Variants in ARK2N observed in about 807,000 individuals in gnomAD.
ARK2N encodes arkadia (RNF111) N-terminal like PKA signaling regulator 2N, also known as protein ARK2N.
At chr18:46,264,526 C>G in the ARK2N span, 1 of 152,652 alleles carries the variant, frequency 6.6e-6, no homozygotes, top group African/African-American at 2.4e-5. Flanking sequence ...CCTGGTGGCT[C>G]TTCTTATCAT....
chr18:46,225,015 C>T, the ARK2N span, among the ~76,000 whole-genome samples: 1 of 152,192 alleles, frequency 6.6e-6, no homozygotes. Flanking sequence ...ATAGGAACTG[C>T]ACAGGCAGTG....
At chr18:46,178,728 A>T in the ARK2N span, among the ~76,000 whole-genome samples, 1 of 152,126 alleles carries the variant, frequency 6.6e-6, no homozygotes, top group Admixed American at 6.5e-5. Flanking sequence ...CAGCCTGGGC[A>T]ACATGGCAGA....
At chr18:46,199,267 T>A in the ARK2N span, among the ~76,000 whole-genome samples, 1 of 152,122 alleles carries the variant, frequency 6.6e-6, no homozygotes, top group Admixed American at 6.6e-5. Flanking sequence ...TGAACTACAT[T>A]TCCTAGAAAC....
the ARK2N span, among the ~76,000 whole-genome samples, chr18:46,236,176 C>T: frequency 1.3e-5 from 2 of 152,156 alleles, no homozygotes; most frequent in East Asian, 1.9e-4. Flanking sequence ...TTTATTTTAT[C>T]GTTATTATTT....
the ARK2N span, chr18:46,228,876 G>A: frequency 5.0e-6 from 2 of 398,308 alleles, no homozygotes; most frequent in Non-Finnish European, 8.8e-6. Flanking sequence ...TAAAACATAG[G>A]TATTAATAGT....
the ARK2N span, among the ~76,000 whole-genome samples, chr18:46,187,588 C>G: frequency 2.6e-5 from 4 of 151,906 alleles, no homozygotes; most frequent in African/African-American, 7.2e-5. Context: ...GTGATCCGAC[C>G]GCCTTGGCCT....
the ARK2N span, chr18:46,217,299 T>C: frequency 6.6e-6 from 1 of 152,370 alleles, no homozygotes; most frequent in Non-Finnish European, 1.5e-5. Flanking sequence ...TCTTATTGCA[T>C]CTGGTACTGT....
chr18:46,181,316 C>T, the ARK2N span, among the ~76,000 whole-genome samples: 22 of 151,894 alleles, frequency 1.4e-4, no homozygotes, highest in East Asian at 3.7e-3. Flanking sequence ...TTACAAAATA[C>T]ATTTGCTTGT....
chr18:46,181,900 G>C, the ARK2N span, among the ~76,000 whole-genome samples: 1 of 152,148 alleles, frequency 6.6e-6, no homozygotes, highest in African/African-American at 2.4e-5. Flanking sequence ...GAGCCACTGT[G>C]CCTGGCTGAA....
At chr18:46,237,038 A>G in the ARK2N span, among the ~76,000 whole-genome samples, 1 of 151,380 alleles carries the variant, frequency 6.6e-6, no homozygotes, top group East Asian at 2.0e-4. Context: ...AATTTTTGTA[A>G]TTTTAGTAGA....
the ARK2N span, among the ~76,000 whole-genome samples, chr18:46,254,031 C>A: frequency 2.0e-5 from 3 of 152,186 alleles, no homozygotes; most frequent in Non-Finnish European, 4.4e-5. Flanking sequence ...ATATCAAGGA[C>A]ATTTCAACCA....
the ARK2N span, among the ~76,000 whole-genome samples, chr18:46,179,063 C>G: frequency 6.6e-6 from 1 of 151,896 alleles, no homozygotes; most frequent in Non-Finnish European, 1.5e-5. Flanking sequence ...CTGCCTCAGC[C>G]TCCCGAGTAG....
chr18:46,253,901 G>A, the ARK2N span: 6 of 1,465,290 alleles, frequency 4.1e-6, no homozygotes, highest in Admixed American at 1.3e-4. Context: ...AAAAGAAAAT[G>A]GTAGACTTTA....
the ARK2N span, among the ~76,000 whole-genome samples, chr18:46,235,454 A>T: frequency 0.62 from 94,964 of 152,132 alleles, 31,817 homozygotes; most frequent in Non-Finnish European, 0.75. Flanking sequence ...GGTGCTAAGT[A>T]TAATGGAAAG....
chr18:46,251,191 G>C, the ARK2N span, among the ~76,000 whole-genome samples: 7 of 152,298 alleles, frequency 4.6e-5, no homozygotes, highest in African/African-American at 1.7e-4. Flanking sequence ...GAGAGTCTGT[G>C]ATTTTGTATT....
the ARK2N span, among the ~76,000 whole-genome samples, chr18:46,246,645 A>ATAAGAGCAGACCCCAGGCCAGGGCCTT: frequency 4.4e-5 from 1 of 22,496 alleles, no homozygotes; most frequent in African/African-American, 1.3e-4. Flanking sequence ...AGCATTACAG[A>ATAAGAGCAGACCCCAGGCCAGGGCCTT]TAAGAGCAGA....
the ARK2N span, among the ~76,000 whole-genome samples, chr18:46,233,908 A>G: frequency 2.6e-5 from 4 of 152,162 alleles, no homozygotes; most frequent in African/African-American, 9.6e-5. Context: ...TTTCGTTTCC[A>G]TGTAGCCCTA....
At chr18:46,231,504 C>A in the ARK2N span, among the ~76,000 whole-genome samples, 1 of 149,164 alleles carries the variant, frequency 6.7e-6, no homozygotes, top group Non-Finnish European at 1.5e-5. Flanking sequence ...TACATATAAA[C>A]CTAGTTATGG....
chr18:46,218,817 A>G, the ARK2N span: 1 of 152,338 alleles, frequency 6.6e-6, no homozygotes, highest in Admixed American at 6.5e-5. Context: ...GTTCAACAAC[A>G]TGGACATTCA....
Sources: gnomAD v4.1 joint callset for allele counts (sites outside exome capture counted in the v4.1 genomes callset) on GRCh38, gnomAD v4.1.1 for gene constraint, MANE v1.5 for transcripts, NCBI Gene and HGNC (gene_info 2026-07-23, HGNC 2026-07-21) for gene names.